TAF1A: variants seen among roughly 807,000 people sequenced by gnomAD.
TAF1A encodes TATA box-binding protein-associated factor RNA polymerase I subunit A.
Under a neutral mutation model 61.6 loss-of-function variants are expected in TAF1A, and 42 were observed. That is an observed-to-expected ratio of 0.68 (90% CI 0.53 to 0.88). TAF1A has a LOEUF of 0.88. Ranked by LOEUF, TAF1A falls within the 40% of genes least tolerant of loss-of-function variation. The probability of loss-of-function intolerance (pLI) is 0.00; values close to 1 mark genes in which losing one functional copy is unlikely to be tolerated. For missense variants in TAF1A, 424 were observed against 518.7 expected, an observed-to-expected ratio of 0.82 and a Z score of 1.77; for synonymous variants, 179 against 177.7, an observed-to-expected ratio of 1.01 and a Z score of -0.06.
chr1:222,587,106 T>A (rs1172117069), intron 2 of TAF1A, among the ~76,000 whole-genome samples: 1 of 152,190 alleles, frequency 6.6e-6, no homozygotes, highest in African/African-American at 2.4e-5. Context: ...AGGGATGCGG[T>A]AGCACTACCT....
chr1:222,565,063 C>G (rs1291024948), intron 7 of TAF1A, among the ~76,000 whole-genome samples: 1 of 152,206 alleles, frequency 6.6e-6, no homozygotes, highest in East Asian at 1.9e-4. Flanking sequence ...GTTAAACACT[C>G]AGGTAACCAG....
chr1:222,584,878 C>T (rs773049587), intron 2 of TAF1A, among the ~76,000 whole-genome samples: 52 of 152,202 alleles, frequency 3.4e-4, no homozygotes, highest in Non-Finnish European at 7.5e-4. Context: ...AGTTACATTG[C>T]TACATCTTCT....
chr1:222,586,954 C>T (rs1306202516), intron 2 of TAF1A, among the ~76,000 whole-genome samples: 1 of 152,202 alleles, frequency 6.6e-6, no homozygotes, highest in African/African-American at 2.4e-5. Context: ...TAAAATATTC[C>T]TAAGCATGTA....
rs762455015 is a variant in TAF1A at position 222,588,484 on chromosome 1, C to A, written c.80G>T (p.Gly27Val). The A allele has an allele frequency of 2.5e-6, 4 of 1,613,990 alleles. No individual in the cohort carries two copies. The highest frequency in any genetic ancestry group is 2.5e-6 in the Non-Finnish European group (3 of 1,179,962). Residue 27 changes from glycine to valine, a missense_variant, in exon 2 of 11, where the codon GGA (glycine) becomes GTA (valine). By Grantham distance (109) the Gly-to-Val change is moderately radical. Transcript: ENST00000352967. ...EVETSVLSGA[G>V]MHFPWLQTYV... ...TGTTTGAAGCCAAGGAAAATGCATTCCTGCACCACTGAGCACAGATGTTTC... is the reference window on the plus strand; with the variant it reads ...TGTTTGAAGCCAAGGAAAATGCATTACTGCACCACTGAGCACAGATGTTTC...
In TAF1A at chr1:222,570,121, C is replaced by T. The variant is rs1660289362; in HGVS notation, c.735+414G>A. 2.6e-5 allele frequency among the ~76,000 whole-genome samples: 4 copies of T among 152,312 alleles called. No homozygotes were observed. The South Asian group carries it at 8.3e-4, about 32-fold the overall frequency. On this transcript the variant is annotated intron_variant, in intron 6 of 10. Coordinates refer to ENST00000352967, the MANE Select transcript of TAF1A (RefSeq NM_005681.4). ...ATTCCTAGTGCCTAGCACCAAGGCC[C>T]TCAGTCCTTTTACAATGACTCTGGG...
rs1465882542 is a variant in TAF1A at position 222,569,512 on chromosome 1, TA to T, written c.891del (p.Lys298ArgfsTer12). Reference protein sequence around the residue: ...KAPRSKLISVLKILYQIVPSH... With the variant: ...KAPRSKLISVXKILYQIVPSH... ...ACATCGAGATAAAAATTCTATACCTTAAGCACACTTATCAATTTTGATCTTG... is the reference window on the plus strand; with the variant it reads ...ACATCGAGATAAAAATTCTATACCTTAGCACACTTATCAATTTTGATCTTG... On this transcript the variant is annotated frameshift_variant, in exon 7 of 11. Transcript: ENST00000352967. LOFTEE classifies it high-confidence loss of function. 1.2e-6 allele frequency: 2 copies of T among 1,613,788 alleles called. No homozygotes were observed. The highest frequency in any genetic ancestry group is 2.7e-5 in the African/African-American group (2 of 74,904).
chr1:222,568,717 T>C (rs1660221235), intron 7 of TAF1A: 1 of 152,178 alleles, frequency 6.6e-6, no homozygotes, highest in Non-Finnish European at 1.5e-5. Flanking sequence ...GCATATACTT[T>C]CCTTACTACT....
Position 222,586,666 on chromosome 1 carries a change from T to G in TAF1A, c.121+1777A>C, listed in dbSNP as rs116701391. ...TATCAATCTGTCAACAAGTATTTTT[T>G]GGGCACCACTGTGTCCCAAGCACTA... On this transcript the variant is annotated intron_variant, in intron 2 of 10. Coordinates refer to ENST00000352967, the MANE Select transcript of TAF1A (RefSeq NM_005681.4). Among the ~76,000 whole-genome samples, 1,140 of 152,332 alleles carry G rather than the reference T, an allele frequency of 7.5e-3. 5 individuals carry two copies. The highest frequency in any genetic ancestry group is 0.013 in the Non-Finnish European group (854 of 68,024).
chr1:222,558,741 T>C lies in TAF1A; in HGVS notation c.1272A>G (p.Gln424=), dbSNP rs1164971412. Residue 424 remains glutamine, a synonymous_variant, in exon 11 of 11, where the codon CAA becomes CAG. Coordinates refer to ENST00000352967, the MANE Select transcript of TAF1A (RefSeq NM_005681.4). ...TTTTCTTCCCTAAGATTTGGTGATC[T>C]TGCTTTAAAATATACCGGAAATATC... ...GCRYFRYILK[Q]DHQILGKKIK... 1.3e-6 allele frequency: 2 copies of C among 1,554,194 alleles called. No individual in the cohort carries two copies. The highest frequency in any genetic ancestry group is 8.7e-7 in the Non-Finnish European group (1 of 1,146,366).
chr1:222,572,127 A>T (rs1390267481), intron 5 of TAF1A, among the ~76,000 whole-genome samples: 2 of 151,700 alleles, frequency 1.3e-5, no homozygotes, highest in African/African-American at 4.8e-5. Flanking sequence ...GCTGAGGCAC[A>T]GGAATCGCTT....
intron 3 of TAF1A, among the ~76,000 whole-genome samples, chr1:222,582,961 A>G (rs1278543007): frequency 6.6e-6 from 1 of 152,198 alleles, no homozygotes; most frequent in Non-Finnish European, 1.5e-5. Flanking sequence ...AGGTGGACAG[A>G]TCACTTGAGG....
Position 222,579,728 on chromosome 1 carries a change from A to G in TAF1A, c.405+31T>C, listed in dbSNP as rs1292404274. Reference sequence around the variant, plus strand: ...AATTAGAAAAAAAAAAGAATACTGCAAGTGTAAATTCACAAAGCCCATATT... The same window carrying G: ...AATTAGAAAAAAAAAAGAATACTGCGAGTGTAAATTCACAAAGCCCATATT... On this transcript the variant is annotated intron_variant, in intron 4 of 10. Coordinates refer to ENST00000352967, the MANE Select transcript of TAF1A (RefSeq NM_005681.4). 8 of 1,585,574 alleles carry G rather than the reference A, an allele frequency of 5.0e-6. No individual in the cohort carries two copies. In the African/African-American group the frequency reaches 1.1e-4, roughly 22 times the overall value.
At chr1:222,563,920 A>G in intron 8 of TAF1A, 139 bp downstream of exon 8, 1 of 623,664 alleles carries the variant, frequency 1.6e-6, no homozygotes, top group Non-Finnish European at 2.9e-6. Context: ...CGCAGACAAT[A>G]CAGAAACAGA....
chr1:222,585,101 T>C (rs112624867), intron 2 of TAF1A, among the ~76,000 whole-genome samples: 5 of 152,264 alleles, frequency 3.3e-5, no homozygotes, highest in African/African-American at 1.2e-4. Flanking sequence ...TTACACACTA[T>C]CTGAAGGTGA....
chr1:222,585,524 C>T (rs1660975732), intron 2 of TAF1A, among the ~76,000 whole-genome samples: 1 of 151,734 alleles, frequency 6.6e-6, no homozygotes, highest in African/African-American at 2.4e-5. Flanking sequence ...CACAGCTCAC[C>T]ATAGCCTAGA....
Position 222,568,092 on chromosome 1 carries a change from A to T in TAF1A, c.894+1418T>A, listed in dbSNP as rs563153364. On this transcript the variant is annotated intron_variant, in intron 7 of 10. Transcript: ENST00000352967. Reference sequence around the variant, plus strand: ...ATGCTGGAACAACCACATGGGAAAAAATGAACCTTGACCTTTGCCACACAC... The same window carrying T: ...ATGCTGGAACAACCACATGGGAAAATATGAACCTTGACCTTTGCCACACAC... Among the ~76,000 whole-genome samples the T allele has an allele frequency of 2.6e-3, 389 of 152,156 alleles. 1 individual carries two copies. The highest frequency in any genetic ancestry group is 4.6e-3 in the Non-Finnish European group (310 of 67,978).
chr1:222,555,566 T>C (rs1450767189), downstream of TAF1A, among the ~76,000 whole-genome samples: 1 of 151,988 alleles, frequency 6.6e-6, no homozygotes, highest in African/African-American at 2.4e-5. Flanking sequence ...AAGGGGGAAA[T>C]GGAGTGATAT....
chr1:222,587,162 T>C (rs1661048556), intron 2 of TAF1A, among the ~76,000 whole-genome samples: 1 of 152,210 alleles, frequency 6.6e-6, no homozygotes, highest in Non-Finnish European at 1.5e-5. Context: ...TGTGCATTAA[T>C]CTAGCAAAAA....
intron 3 of TAF1A, among the ~76,000 whole-genome samples, chr1:222,583,211 A>C (rs1660862063): frequency 6.6e-6 from 1 of 152,128 alleles, no homozygotes; most frequent in Admixed American, 6.5e-5. Flanking sequence ...AGAAAAAGAA[A>C]GTAATAGATT....
Sources: gnomAD v4.1 joint callset for allele counts (sites outside exome capture counted in the v4.1 genomes callset) on GRCh38, gnomAD v4.1.1 for gene constraint, MANE v1.5 for transcripts, NCBI Gene and HGNC (gene_info 2026-07-23, HGNC 2026-07-21) for gene names.